The following ARCN1 variants were observed in gnomAD, a reference collection of about 807,000 sequenced individuals.
ARCN1 encodes the protein archain 1 coat protein complex I subunit delta.
A neutral mutation model predicts 60.4 loss-of-function variants in ARCN1; 5 were observed. The ratio of observed to expected loss-of-function variants is 0.08; its 90% CI spans 0.04 to 0.17. The LOEUF (loss-of-function observed/expected upper bound fraction) is 0.17, where lower values mean the gene tolerates loss of function less well. Ranked by LOEUF, ARCN1 falls within the 10% of genes least tolerant of loss-of-function variation. The pLI, the probability that ARCN1 is intolerant of heterozygous loss-of-function variation, is 1.00. For synonymous variants in ARCN1, 224 were observed against 220.0 expected (o/e 1.02, Z -0.16); for missense variants, 464 against 626.5 (o/e 0.74, Z 2.77).
intron 8 of ARCN1, among the ~76,000 whole-genome samples, chr11:118,594,767 C>T (rs183238620): frequency 1.6e-3 from 237 of 152,062 alleles, no homozygotes; most frequent in African/African-American, 5.4e-3. Context: ...CCAGGCTGGT[C>T]TCAAACTCCT....
chr11:118,596,420 A>G (rs563830219), intron 8 of ARCN1, among the ~76,000 whole-genome samples: 19 of 152,308 alleles, frequency 1.2e-4, no homozygotes, highest in African/African-American at 3.1e-4. Context: ...CAGTTTTGCA[A>G]TGGTCTCCAG....
rs114462376 is a variant in ARCN1 at position 118,600,849 on chromosome 11, C to T, written c.*135C>T. 1.2e-4 allele frequency: 71 copies of T among 585,488 alleles called. No homozygotes were observed. Among genetic ancestry groups the T allele is most frequent in the African/African-American group, 5.4e-4 (28 of 52,140 alleles). 36.3% of individuals were successfully genotyped at this position (585,488 alleles called of 1,614,324 possible). On this transcript the variant is annotated 3_prime_UTR_variant, in exon 10 of 10. Transcript: ENST00000264028. The stretch of plus-strand genomic sequence containing the variant: ...CTGATACAATGCACGATTCTCTGCG[C>T]GCAAGGACCCTCGACTCACCCCCAT...
Position 118,572,428 on chromosome 11 carries a change from C to G in ARCN1, c.-120C>G, listed in dbSNP as rs1464209753. ...GCCGCCATCTTGGCAAGAGGCGAAG[C>G]GGCAGCGGTTCCTGTCAAGGGGGCA... On this transcript the variant is annotated 5_prime_UTR_variant, in exon 1 of 10. Transcript: ENST00000264028. The G allele has an allele frequency of 3.2e-6, 3 of 931,106 alleles. No homozygotes were observed. Among genetic ancestry groups the G allele is most frequent in the East Asian group, 4.9e-5 (1 of 20,358 alleles). The allele number at this position is 931,106 out of a possible 1,614,324, so 57.7% of individuals were successfully genotyped here. A position where few individuals can be genotyped will look rare whatever the true frequency, so the allele number is the denominator to read the frequency against.
intron 8 of ARCN1, 94 bp downstream of exon 8, chr11:118,593,792 A>C (rs936605406): frequency 7.1e-5 from 48 of 672,088 alleles, no homozygotes; most frequent in Non-Finnish European, 8.0e-5. Flanking sequence ...CTGACTGTCC[A>C]TTCAAAGATA....
chr11:118,593,770 C>A, intron 8 of ARCN1, 72 bp downstream of exon 8: 1 of 966,752 alleles, frequency 1.0e-6, no homozygotes, highest in Non-Finnish European at 1.6e-6. Context: ...TTGGAGTCAG[C>A]ACCTACCTGA....
Position 118,581,479 on chromosome 11 carries a change from T to C in ARCN1, c.237T>C (p.Asp79=), listed in dbSNP as rs1555074627. 6.2e-7 allele frequency: 1 copy of C among 1,614,002 alleles called. No homozygotes were observed. The highest frequency in any genetic ancestry group is 1.3e-5 in the African/African-American group (1 of 74,898). ...ITTKNSNILE[D]LETLRLFSRV... The stretch of plus-strand genomic sequence containing the variant: ...CCAAAAACAGCAACATTTTAGAAGA[T>C]TTGGAGACCCTAAGGCTCTTCTCAA... The change falls in exon 2 of 10, where the codon GAT becomes GAC. Residue 79 remains aspartate (D), a synonymous_variant. Coordinates refer to ENST00000264028, the MANE Select transcript of ARCN1 (RefSeq NM_001655.5).
At chr11:118,598,349 C>T (rs1404569124) in intron 9 of ARCN1, among the ~76,000 whole-genome samples, 1 of 151,976 alleles carries the variant, frequency 6.6e-6, no homozygotes, top group African/African-American at 2.4e-5. Flanking sequence ...AAAATCCATT[C>T]TATTACAAAT....
chr11:118,590,805 A>G (rs1450991616), intron 6 of ARCN1, among the ~76,000 whole-genome samples: 3 of 152,226 alleles, frequency 2.0e-5, no homozygotes, highest in South Asian at 2.1e-4. Context: ...TTTTGCTGTT[A>G]TGAAAACAGT....
intron 8 of ARCN1, among the ~76,000 whole-genome samples, chr11:118,595,016 A>G (rs572867271): frequency 6.6e-6 from 1 of 151,398 alleles, no homozygotes; most frequent in African/African-American, 2.4e-5. Flanking sequence ...CGCCCAGTTA[A>G]TTTTTGTATT....
At chr11:118,575,411 G>GGT (rs56934953) in intron 1 of ARCN1, among the ~76,000 whole-genome samples, 16,730 of 149,092 alleles carry the variant, frequency 0.11, 1,012 homozygotes, top group African/African-American at 0.17. Flanking sequence ...ACTGATAACG[G>GGT]GTGTGTGTGT....
At chr11:118,584,128 G>T in intron 4 of ARCN1, 114 bp downstream of exon 4, 1 of 1,041,142 alleles carries the variant, frequency 9.6e-7, no homozygotes. Context: ...GATGAAGTAA[G>T]ATATGATGTT....
At chr11:118,578,874 C>CTTTTT (rs56050047) in intron 1 of ARCN1, among the ~76,000 whole-genome samples, 14 of 83,452 alleles carry the variant, frequency 1.7e-4, no homozygotes, top group African/African-American at 6.7e-4. Context: ...CCCCGTCTCT[C>CTTTTT]TTTTTTTTTT....
rs529554064 is a variant in ARCN1 at position 118,577,640 on chromosome 11, A to G, written c.4-3606A>G. On this transcript the variant is annotated intron_variant, in intron 1 of 9. Transcript: ENST00000264028. ...CACGCACTTTATCGGTTACTCTCTCATGTTACTTAACACATTCTGCCTCAT... is the reference window on the plus strand; with the variant it reads ...CACGCACTTTATCGGTTACTCTCTCGTGTTACTTAACACATTCTGCCTCAT... Among the ~76,000 whole-genome samples, 339 of 152,190 alleles carry G rather than the reference A, an allele frequency of 2.2e-3. 2 individuals carry two copies. Among genetic ancestry groups the G allele is most frequent in the African/African-American group, 8.0e-3 (331 of 41,534 alleles).
chr11:118,579,653 A>G (rs782056922), intron 1 of ARCN1, among the ~76,000 whole-genome samples: 2 of 151,558 alleles, frequency 1.3e-5, no homozygotes, highest in African/African-American at 2.4e-5. Context: ...TTGCCATTGC[A>G]CTCCAGCCTG....
rs782786943 is a variant in ARCN1, at chr11:118,584,643, A to T, written c.817A>T (p.Ser273Cys). 1 of 1,588,824 alleles carries T rather than the reference A, an allele frequency of 6.3e-7. No individual in the cohort carries two copies. Among genetic ancestry groups the T allele is most frequent in the Admixed American group, 1.9e-5 (1 of 53,062 alleles). ...KMHAPPINME[S>C]VHMKIEEKIT... ...GCATGCTCCACCCATTAATATGGAA[A>T]GGTAAGTAGGAACTTTGAGTAAGAA... The change falls in exon 5 of 10, where the codon AGT becomes TGT. Residue 273 changes from serine to cysteine, a missense_variant and splice_region_variant. By Grantham distance (112) the Ser-to-Cys change is moderately radical. Coordinates refer to ENST00000264028, the MANE Select transcript of ARCN1 (RefSeq NM_001655.5).
chr11:118,592,498 T>TAA (rs1555076455), intron 6 of ARCN1, among the ~76,000 whole-genome samples: 1 of 151,728 alleles, frequency 6.6e-6, no homozygotes, highest in East Asian at 1.9e-4. Context: ...TGAAATTAGC[T>TAA]TTTTTTTTAA....
chr11:118,580,624 TATTC>T (rs1474723584), intron 1 of ARCN1, among the ~76,000 whole-genome samples: 6 of 152,186 alleles, frequency 3.9e-5, no homozygotes, highest in Admixed American at 6.5e-5. Context: ...TATTATCAAT[TATTC>T]AGTCACTGTT....
At chr11:118,589,985 T>TTTTTC (rs1208747509) in intron 5 of ARCN1, among the ~76,000 whole-genome samples, 2 of 152,008 alleles carry the variant, frequency 1.3e-5, no homozygotes, top group Admixed American at 6.6e-5. Flanking sequence ...CTACCTTTCT[T>TTTTTC]TTTTCTTTTC....
chr11:118,597,399 C>T (rs1565366434), intron 8 of ARCN1, among the ~76,000 whole-genome samples: 1 of 152,198 alleles, frequency 6.6e-6, no homozygotes, highest in Non-Finnish European at 1.5e-5. Context: ...GGAAACATAG[C>T]CATCTTAACA....
Sources: gnomAD v4.1 joint callset for allele counts (sites outside exome capture counted in the v4.1 genomes callset) on GRCh38, gnomAD v4.1.1 for gene constraint, MANE v1.5 for transcripts, NCBI Gene and HGNC (gene_info 2026-07-23, HGNC 2026-07-21) for gene names.